BICD1: variants seen among roughly 807,000 people sequenced by gnomAD.
BICD1 encodes the protein protein bicaudal D homolog 1.
BICD1 carries 35 observed loss-of-function variants against 92.5 expected under a neutral mutation model. The observed-to-expected ratio is 0.38, with a 90% CI of 0.29 to 0.50. BICD1 has a LOEUF of 0.50. Among genes scored for constraint, BICD1 ranks in the 20% least tolerant of loss-of-function variants. The pLI, the probability that BICD1 is intolerant of heterozygous loss-of-function variation, is 0.93. For missense variants in BICD1, 950 were observed against 1,189.8 expected, an observed-to-expected ratio of 0.80 and a Z score of 2.97; for synonymous variants, 429 against 465.1, an observed-to-expected ratio of 0.92 and a Z score of 1.00.
chr12:32,284,419 TATTGTTATTAGGCC>T lies in BICD1; in HGVS notation c.427-9568_427-9555del, dbSNP rs138165816. Among the ~76,000 whole-genome samples the T allele has an allele frequency of 5.7e-4, 87 of 152,366 alleles. 2 individuals carry two copies. The East Asian group carries it at 0.017, about 29-fold the overall frequency. On this transcript the variant is annotated intron_variant, in intron 2 of 9. Coordinates refer to ENST00000652176, the MANE Select transcript of BICD1 (RefSeq NM_001714.4). The stretch of plus-strand genomic sequence containing the variant: ...TTTCTCTAACAACTCTAGGTACTTT[TATTGTTATTAGGCC>T]ATTGTTCCTTACTCTTTGTTTTCTT...
intron 1 of BICD1, among the ~76,000 whole-genome samples, chr12:32,187,973 C>T (rs1377200840): frequency 1.3e-5 from 2 of 151,050 alleles, no homozygotes; most frequent in Non-Finnish European, 2.9e-5. Flanking sequence ...GAGTCTCGCT[C>T]TGTTGCCCAG....
At chr12:32,297,622 C>CTTCA (rs1307293365) in intron 3 of BICD1, among the ~76,000 whole-genome samples, 1 of 152,162 alleles carries the variant, frequency 6.6e-6, no homozygotes, top group African/African-American at 2.4e-5. Context: ...GTTCCCAATA[C>CTTCA]GTTGTATAGT....
At chr12:32,249,336 C>CAAATATG (rs1234482856) in intron 2 of BICD1, among the ~76,000 whole-genome samples, 1 of 152,138 alleles carries the variant, frequency 6.6e-6, no homozygotes, top group Non-Finnish European at 1.5e-5. Flanking sequence ...AGAACGTGTT[C>CAAATATG]TTATATATGA....
Position 32,305,690 on chromosome 12 carries a change from G to T in BICD1, c.580-7G>T, listed in dbSNP as rs1162876483. Reference sequence around the variant, plus strand: ...TTTATGAATCTTCTTTATCCTGTCTGATTCAGGTTGAATACGAAGGCTTAA... The same window carrying T: ...TTTATGAATCTTCTTTATCCTGTCTTATTCAGGTTGAATACGAAGGCTTAA... On this transcript the variant is annotated splice_region_variant and splice_polypyrimidine_tract_variant and intron_variant, in intron 3 of 9. Transcript: ENST00000652176. 6 of 1,599,436 alleles carry T rather than the reference G, an allele frequency of 3.8e-6. No individual in the cohort carries two copies. The highest frequency in any genetic ancestry group is 5.1e-6 in the Non-Finnish European group (6 of 1,173,850).
chr12:32,159,064 G>T (rs1943525576), intron 1 of BICD1, among the ~76,000 whole-genome samples: 1 of 152,094 alleles, frequency 6.6e-6, no homozygotes, highest in Non-Finnish European at 1.5e-5. Flanking sequence ...CTCCCGAGTA[G>T]CTGGAATTAC....
At chr12:32,214,872 T>C (rs1041789085) in intron 1 of BICD1, among the ~76,000 whole-genome samples, 1 of 151,624 alleles carries the variant, frequency 6.6e-6, no homozygotes, top group East Asian at 1.9e-4. Context: ...CACCGAGAGG[T>C]TGGTTTTAAT....
At chr12:32,193,317 A>G (rs1488829548) in intron 1 of BICD1, among the ~76,000 whole-genome samples, 1 of 152,244 alleles carries the variant, frequency 6.6e-6, no homozygotes, top group Non-Finnish European at 1.5e-5. Flanking sequence ...GATGATCATT[A>G]TCATTTTTTA....
chr12:32,334,197 CCTT>C (rs1451216783), intron 5 of BICD1, among the ~76,000 whole-genome samples: 3 of 152,132 alleles, frequency 2.0e-5, no homozygotes, highest in Non-Finnish European at 2.9e-5. Context: ...TTGGCTCCCT[CCTT>C]GTCCTAAAAT....
intron 2 of BICD1, among the ~76,000 whole-genome samples, chr12:32,273,486 G>T (rs1947195755): frequency 6.6e-6 from 1 of 152,204 alleles, no homozygotes; most frequent in South Asian, 2.1e-4. Flanking sequence ...GAACCACCAA[G>T]ATGCATGCAT....
chr12:32,365,180 T>C (rs1420441273), intron 8 of BICD1, among the ~76,000 whole-genome samples: 2 of 152,176 alleles, frequency 1.3e-5, no homozygotes, highest in African/African-American at 4.8e-5. Flanking sequence ...GAGATTGCAG[T>C]GAGCCGAGAT....
intron 2 of BICD1, among the ~76,000 whole-genome samples, chr12:32,241,307 G>T (rs941717464): frequency 2.0e-5 from 3 of 152,162 alleles, no homozygotes; most frequent in Admixed American, 2.0e-4. Flanking sequence ...ATGTATAAGG[G>T]CATGCCTACC....
intron 5 of BICD1, chr12:32,332,377 T>C (rs1275304290): frequency 2.2e-6 from 2 of 929,378 alleles, no homozygotes; most frequent in Admixed American, 1.2e-4. Context: ...ACCCCTGAAC[T>C]TAAAAGTTAA....
intron 2 of BICD1, among the ~76,000 whole-genome samples, chr12:32,248,933 A>G (rs1041032617): frequency 6.6e-6 from 1 of 152,188 alleles, no homozygotes; most frequent in African/African-American, 2.4e-5. Context: ...GAGCCACTCC[A>G]TATTGATTTA....
chr12:32,242,215 C>CAAAAA lies in BICD1; in HGVS notation c.426+25780_426+25784dup, dbSNP rs4001812. Among the ~76,000 whole-genome samples, 15 of 47,732 alleles carry CAAAAA rather than the reference C, an allele frequency of 3.1e-4. 1 individual carries two copies. Among genetic ancestry groups the CAAAAA allele is most frequent in the African/African-American group, 1.5e-3 (15 of 10,276 alleles). The allele number at this position is 47,732 out of a possible 152,430, so 31.3% of individuals were successfully genotyped here. On this transcript the variant is annotated intron_variant, in intron 2 of 9. Coordinates refer to ENST00000652176, the MANE Select transcript of BICD1 (RefSeq NM_001714.4). ...TAGGATACAGAGTGAGACCCTGTCTCAAAAAAAAAAAAAAAAAAAAAAAAA... is the reference window on the plus strand; with the variant it reads ...TAGGATACAGAGTGAGACCCTGTCTCAAAAAAAAAAAAAAAAAAAAAAAAAAAAAA...
At chr12:32,140,340 A>C (rs1250835444) in intron 1 of BICD1, among the ~76,000 whole-genome samples, 1 of 152,222 alleles carries the variant, frequency 6.6e-6, no homozygotes, top group Non-Finnish European at 1.5e-5. Context: ...TATACTCCCA[A>C]TGAATTACTT....
intron 2 of BICD1, among the ~76,000 whole-genome samples, chr12:32,277,318 G>A (rs780923937): frequency 4.6e-5 from 7 of 152,090 alleles, no homozygotes; most frequent in Admixed American, 3.9e-4. Flanking sequence ...TGCTTGAACC[G>A]GGGAGGTGGG....
At chr12:32,152,334 G>A (rs991297395) in intron 1 of BICD1, among the ~76,000 whole-genome samples, 3 of 150,528 alleles carry the variant, frequency 2.0e-5, no homozygotes, top group East Asian at 2.0e-4. Flanking sequence ...CTTTAACCTT[G>A]AACTCCTGGG....
intron 9 of BICD1, among the ~76,000 whole-genome samples, chr12:32,370,625 C>T (rs1344242150): frequency 6.6e-6 from 1 of 152,104 alleles, no homozygotes; most frequent in Non-Finnish European, 1.5e-5. Context: ...GGTTGAATTC[C>T]CACTTCTAAT....
chr12:32,343,228 A>T (rs1466654194), intron 8 of BICD1, among the ~76,000 whole-genome samples: 1 of 152,206 alleles, frequency 6.6e-6, no homozygotes. Context: ...GTAATTGGAC[A>T]GCAGATTGTA....
Sources: allele counts gnomAD v4.1 joint callset (sites outside exome capture counted in the v4.1 genomes callset), GRCh38; gene constraint gnomAD v4.1.1; transcripts MANE v1.5; gene names NCBI Gene and HGNC (gene_info 2026-07-23, HGNC 2026-07-21).